Variants in TPD52L2 observed in about 807,000 individuals in gnomAD.
TPD52L2 encodes the protein TPD52 like 2, also known as tumor protein D54.
Under a neutral mutation model 24.7 loss-of-function variants are expected in TPD52L2, and 19 were observed. The ratio of observed to expected loss-of-function variants is 0.77; its 90% CI spans 0.54 to 1.13. The LOEUF (loss-of-function observed/expected upper bound fraction) is 1.13, where lower values mean the gene tolerates loss of function less well. Ranked by LOEUF, TPD52L2 falls within the 50% of genes most tolerant of loss-of-function variation. TPD52L2 has a pLI of 0.00. For synonymous variants in TPD52L2, 104 were observed against 100.2 expected, an observed-to-expected ratio of 1.04 and a Z score of -0.23; for missense variants, 236 against 250.4, an observed-to-expected ratio of 0.94 and a Z score of 0.39.
Position 63,873,697 on chromosome 20 carries a change from G to C in TPD52L2, c.195G>C (p.Gln65His), listed in dbSNP as rs765190618. 1.2e-6 allele frequency: 2 copies of C among 1,609,158 alleles called. No homozygotes were observed. Among genetic ancestry groups the C allele is most frequent in the Non-Finnish European group, 1.7e-6 (2 of 1,178,446 alleles). ...AAGAGGAAATTGTCACTCTGCGCCAGGTCCTGGCAGCCAAGGAGAGGCACT... is the reference window on the plus strand; with the variant it reads ...AAGAGGAAATTGTCACTCTGCGCCACGTCCTGGCAGCCAAGGAGAGGCACT... The part of the protein sequence containing the change: ...KVEEEIVTLR[Q>H]VLAAKERHCG... The change falls in exon 3 of 7, where the codon CAG becomes CAC. Residue 65 changes from glutamine to histidine, a missense_variant. By Grantham distance (24) the Gln-to-His change is conservative. Transcript: ENST00000346249.
At chr20:63,886,236 G>GC (rs1292587078) in intron 5 of TPD52L2, among the ~76,000 whole-genome samples, 7 of 152,096 alleles carry the variant, frequency 4.6e-5, no homozygotes, top group Non-Finnish European at 5.9e-5. Context: ...CGACGCAGAG[G>GC]CCCCCCGGAA....
rs771258837 is a variant in TPD52L2, at chr20:63,890,007, G to GCT, written c.*65_*66dup. 6.2e-7 allele frequency: 1 copy of GCT among 1,605,062 alleles called. No homozygotes were observed. The highest frequency in any genetic ancestry group is 2.2e-5 in the East Asian group (1 of 44,588). On this transcript the variant is annotated 3_prime_UTR_variant, in exon 7 of 7. Coordinates refer to ENST00000346249, the MANE Select transcript of TPD52L2 (RefSeq NM_003288.4). ...ACCCAGCCTCAGCATCACAGCCGCA[G>GCT]CTCTGTTCAGCGGAGCAGCCAGCCA... is the stretch of plus-strand genomic sequence containing the variant.
At chr20:63,878,784 C>T (rs1034720206) in intron 4 of TPD52L2, among the ~76,000 whole-genome samples, 8 of 152,206 alleles carry the variant, frequency 5.3e-5, no homozygotes, top group African/African-American at 1.9e-4. Flanking sequence ...GGGCTCTCTT[C>T]CTAGAAGGTC....
chr20:63,886,063 AC>A (rs1285581078), intron 5 of TPD52L2: 1 of 1,613,420 alleles, frequency 6.2e-7, no homozygotes. Context: ...GCCTGGACAC[AC>A]CTGTGGAAGA....
chr20:63,888,962 C>T (rs1262395243), intron 5 of TPD52L2: 2 of 591,522 alleles, frequency 3.4e-6, no homozygotes, highest in East Asian at 2.8e-5. Flanking sequence ...TTCCAGTTGC[C>T]TTGTGTGACG....
At chr20:63,875,529 TCC>T (rs1418935126) in intron 3 of TPD52L2, among the ~76,000 whole-genome samples, 6 of 152,150 alleles carry the variant, frequency 3.9e-5, no homozygotes, top group Non-Finnish European at 8.8e-5. Context: ...GCCCTTCCAG[TCC>T]CCCACAGCAG....
intron 2 of TPD52L2, among the ~76,000 whole-genome samples, chr20:63,873,000 A>C (rs192514631): frequency 6.9e-4 from 104 of 149,864 alleles, no homozygotes; most frequent in African/African-American, 2.2e-3. Context: ...GGCATGCGCC[A>C]CTGCGCCCGG....
At position 63,875,881 on chromosome 20, in the gene TPD52L2, T is replaced by C; in HGVS notation, c.374+6T>C. The C allele has an allele frequency of 6.2e-7, 1 of 1,614,078 alleles. No homozygotes were observed. The highest frequency in any genetic ancestry group is 1.1e-5 in the South Asian group (1 of 91,050). On this transcript the variant is annotated splice_donor_region_variant and intron_variant, in intron 4 of 6. Coordinates refer to ENST00000346249, the MANE Select transcript of TPD52L2 (RefSeq NM_003288.4). The stretch of plus-strand genomic sequence containing the variant: ...AAAGTGACCCAGTCAGACCTGTGAG[T>C]GCCTGTATCATCAGCACCTCCTCCT...
intron 5 of TPD52L2, chr20:63,885,866 A>T (rs1049601325): frequency 1.3e-6 from 1 of 752,762 alleles, no homozygotes; most frequent in African/African-American, 1.7e-5. Flanking sequence ...TGCGGACTGG[A>T]GGAGCCGTCC....
chr20:63,867,378 C>T (rs1296999397), intron 1 of TPD52L2, among the ~76,000 whole-genome samples: 2 of 152,106 alleles, frequency 1.3e-5, no homozygotes, highest in Non-Finnish European at 2.9e-5. Context: ...CCAGCCTAAC[C>T]AACGTGCCAA....
At chr20:63,870,782 A>T in intron 2 of TPD52L2, among the ~76,000 whole-genome samples, 1 of 149,334 alleles carries the variant, frequency 6.7e-6, no homozygotes, top group Non-Finnish European at 1.5e-5. Flanking sequence ...CAATGGTGTG[A>T]TCTCGGCTCG....
At chr20:63,886,115 C>T (rs1242182286) in intron 5 of TPD52L2, 3 of 1,495,122 alleles carry the variant, frequency 2.0e-6, no homozygotes, top group African/African-American at 2.8e-5. Context: ...CGGCAGGGCC[C>T]TTGGGCGGCT....
intron 6 of TPD52L2, 74 bp from the exon 7 acceptor site, chr20:63,889,776 C>A: frequency 7.1e-7 from 1 of 1,413,340 alleles, no homozygotes; most frequent in Non-Finnish European, 9.8e-7. Flanking sequence ...GAGCATTGAG[C>A]ATGGGCCTGG....
At chr20:63,889,274 G>A in intron 6 of TPD52L2, 36 bp downstream of exon 6, 1 of 1,581,230 alleles carries the variant, frequency 6.3e-7, no homozygotes, top group Admixed American at 1.7e-5. Context: ...GTCTTGGCAA[G>A]GTGTGACCTG....
Position 63,887,444 on chromosome 20 carries a change from G to C in TPD52L2, c.477-1746G>C, listed in dbSNP as rs954668658. The C allele has an allele frequency of 5.4e-6, 6 of 1,105,104 alleles. No individual in the cohort carries two copies. The African/African-American group carries it at 9.2e-5, about 17-fold the overall frequency. 68.5% of individuals were successfully genotyped at this position (1,105,104 alleles called of 1,614,324 possible). A position where few individuals can be genotyped will look rare whatever the true frequency, so the allele number is the denominator to read the frequency against. ...CATTGTGTGGAGGGGCAGGCAGCTC[G>C]CTCCAACTGCTGGGAGTGGGGGAAT... is the stretch of plus-strand genomic sequence containing the variant. On this transcript the variant is annotated intron_variant, in intron 5 of 6. Transcript: ENST00000346249.
rs372536570 is a variant in TPD52L2 at position 63,867,926 on chromosome 20, C to T, written c.20-1370C>T. The stretch of plus-strand genomic sequence containing the variant: ...GTGCTGGGATTACCGGCATGAGCCA[C>T]CCCGCCCGACCAGTTTTTCTTTTTT... On this transcript the variant is annotated intron_variant, in intron 1 of 6. Transcript: ENST00000346249. Among the ~76,000 whole-genome samples the T allele has an allele frequency of 5.9e-5, 9 of 151,750 alleles. No homozygotes were observed. The East Asian group carries it at 1.2e-3, about 20-fold the overall frequency.
chr20:63,886,062 C>T (rs1343565689), intron 5 of TPD52L2: 2 of 1,613,578 alleles, frequency 1.2e-6, no homozygotes, highest in African/African-American at 2.7e-5. Context: ...AGCCTGGACA[C>T]ACCTGTGGAA....
At chr20:63,874,717 C>T (rs1422707866) in intron 3 of TPD52L2, among the ~76,000 whole-genome samples, 3 of 149,810 alleles carry the variant, frequency 2.0e-5, no homozygotes, top group East Asian at 4.0e-4. Context: ...GCTAGTTGTC[C>T]TGGTGGAAAA....
chr20:63,869,388 G>C lies in TPD52L2; in HGVS notation c.112G>C (p.Val38Leu). 1 of 1,614,260 alleles carries C rather than the reference G, an allele frequency of 6.2e-7. No individual in the cohort carries two copies. The highest frequency in any genetic ancestry group is 8.5e-7 in the Non-Finnish European group (1 of 1,180,054). ...DTGVAARTPAVEGLTEAEEEE... is the reference protein window; with the variant it reads ...DTGVAARTPALEGLTEAEEEE... Reference sequence around the variant, plus strand: ...AGGTGTGGCTGCCCGGACTCCTGCTGTTGAGGGTCTGACAGAGGCTGAGGA... The same window carrying C: ...AGGTGTGGCTGCCCGGACTCCTGCTCTTGAGGGTCTGACAGAGGCTGAGGA... Residue 38 changes from valine (V) to leucine (L), a missense_variant, in exon 2 of 7, where the codon GTT becomes CTT. Transcript: ENST00000346249.
Sources: allele counts gnomAD v4.1 joint callset (sites outside exome capture counted in the v4.1 genomes callset), GRCh38; gene constraint gnomAD v4.1.1; transcripts MANE v1.5; gene names NCBI Gene and HGNC (gene_info 2026-07-23, HGNC 2026-07-21).